The following LRR1 variants were observed in gnomAD, a reference collection of about 807,000 sequenced individuals.
LRR1 encodes the protein leucine rich repeat protein 1.
In LRR1, 29 loss-of-function variants were observed where a neutral mutation model predicts 31.6. That is an observed-to-expected ratio of 0.92 (90% CI 0.68 to 1.25). LRR1 has a LOEUF of 1.25. LRR1 is among the 50% of genes most tolerant of loss of function. LRR1 has a pLI of 0.00. For synonymous variants in LRR1, 179 were observed against 181.4 expected (o/e 0.99, Z 0.10); for missense variants, 485 against 487.2 (o/e 1.00, Z 0.04).
chr14:49,600,345 T>C (rs1413119379), intron 1 of LRR1: 2 of 1,546,140 alleles, frequency 1.3e-6, no homozygotes. Flanking sequence ...ACCCTTTTTA[T>C]TAATAGGAGC....
chr14:49,604,304 CAAACA>C (rs909274950), intron 2 of LRR1, among the ~76,000 whole-genome samples: 50 of 152,020 alleles, frequency 3.3e-4, no homozygotes, highest in South Asian at 1.2e-3. Context: ...GACCCTGTCT[CAAACA>C]AAACAAAACA....
rs553254610 is a variant in LRR1, at chr14:49,612,562, A to G, written c.1005-1694A>G. The G allele has an allele frequency of 2.0e-5, 24 of 1,198,242 alleles. 1 individual carries two copies. The South Asian group carries it at 3.6e-4, about 18-fold the overall frequency. 74.2% of individuals were successfully genotyped at this position (1,198,242 alleles called of 1,614,324 possible). A position where few individuals can be genotyped will look rare whatever the true frequency, so the allele number is the denominator to read the frequency against. On this transcript the variant is annotated intron_variant, in intron 3 of 3. Transcript: ENST00000298288. ...AAATGGTTACTTAAGCAACAGATTA[A>G]TAAGTCTTTTTATGAAAAATTTAAA...
chr14:49,603,710 A>ATTTTTTTTT lies in LRR1; in HGVS notation c.282+1243_282+1244insTTTTTTTTT, dbSNP rs1566493069. On this transcript the variant is annotated intron_variant, in intron 2 of 3. Coordinates refer to ENST00000298288, the MANE Select transcript of LRR1 (RefSeq NM_152329.4). ...TTTTTTTTTTTTTTTTTTTTTTTTA[A>ATTTTTTTTT]TGAGACAGAGTCTCTCCCTGTCACC... 6.1e-3 allele frequency: 808 copies of ATTTTTTTTT among 132,704 alleles called. 229 individuals carry two copies. The highest frequency in any genetic ancestry group is 0.021 in the African/African-American group (272 of 13,070). 8.2% of individuals were successfully genotyped at this position (132,704 alleles called of 1,614,324 possible).
chr14:49,601,427 A>T, intron 1 of LRR1: 1 of 515,886 alleles, frequency 1.9e-6, no homozygotes, highest in Non-Finnish European at 3.5e-6. Context: ...GTTGAAATCT[A>T]AAGCAGATGC....
rs1173506631 is a variant in LRR1, at chr14:49,614,306, A to G, written c.1055A>G (p.Asp352Gly). The change falls in exon 4 of 4, where the codon GAT becomes GGT. Residue 352 changes from aspartate (D) to glycine (G), a missense_variant. Transcript: ENST00000298288. ...IIPFHLCQDL[D>G]TAKICVCGRF... ...CCATTCCATCTCTGCCAAGATTTGGATACCGCAAAAATTTGTGTTTGTGGA... is the reference window on the plus strand; with the variant it reads ...CCATTCCATCTCTGCCAAGATTTGGGTACCGCAAAAATTTGTGTTTGTGGA... 4.3e-6 allele frequency: 7 copies of G among 1,613,668 alleles called. No homozygotes were observed. The highest frequency in any genetic ancestry group is 5.9e-6 in the Non-Finnish European group (7 of 1,179,960).
intron 2 of LRR1, 110 bp from the exon 3 acceptor site, chr14:49,607,290 A>G (rs1394915822): frequency 1.7e-6 from 2 of 1,173,680 alleles, no homozygotes; most frequent in East Asian, 2.5e-5. Context: ...ATTTCAGTAA[A>G]TCATTGTATC....
chr14:49,609,196 C>T (rs1266527524), intron 3 of LRR1, among the ~76,000 whole-genome samples: 28 of 144,004 alleles, frequency 1.9e-4, no homozygotes, highest in African/African-American at 7.2e-4. Context: ...GAATTACAGG[C>T]TTGAGCCACC....
intron 1 of LRR1, chr14:49,601,004 C>G: frequency 1.9e-6 from 3 of 1,609,070 alleles, no homozygotes; most frequent in Admixed American, 1.7e-5. Context: ...TCCCTTTTCT[C>G]CAGTTAATTG....
chr14:49,607,736 C>G lies in LRR1; in HGVS notation c.619C>G (p.Leu207Val). 6.2e-7 allele frequency: 1 copy of G among 1,612,608 alleles called. No individual in the cohort carries two copies. The highest frequency in any genetic ancestry group is 8.5e-7 in the Non-Finnish European group (1 of 1,179,002). Residue 207 changes from leucine to valine, a missense_variant, in exon 3 of 4, where the codon CTG becomes GTG. Around this residue, in one of 3 missense-constraint regions of LRR1, gnomAD observed 260 missense variants for 249.6 expected, o/e 1.04. Transcript: ENST00000298288. ...GDLIHLQELNLNDNHLESFSV... is the reference protein window; with the variant it reads ...GDLIHLQELNVNDNHLESFSV... ...CCTCATACACCTTCAAGAACTTAAC[C>G]TGAATGACAATCACTTGGAGTCATT...
intron 1 of LRR1, chr14:49,601,627 G>A: frequency 7.8e-7 from 1 of 1,289,528 alleles, no homozygotes; most frequent in Non-Finnish European, 1.0e-6. Context: ...CCCACCCCAG[G>A]CTAATGGACT....
At chr14:49,601,540 A>G in intron 1 of LRR1, 2 of 1,042,794 alleles carry the variant, frequency 1.9e-6, no homozygotes, top group Non-Finnish European at 2.6e-6. Context: ...TCATCGTTCT[A>G]GCACTCAGGA....
intron 1 of LRR1, chr14:49,600,461 A>T: frequency 6.3e-7 from 1 of 1,592,264 alleles, no homozygotes; most frequent in South Asian, 1.1e-5. Flanking sequence ...AAGAGATAGG[A>T]GCATGCTGCT....
rs76888005 is a variant in LRR1 at position 49,614,525 on chromosome 14, T to C, written c.*29T>C. 3,236 of 1,612,602 alleles carry C rather than the reference T, an allele frequency of 2.0e-3. 70 individuals are homozygous for C. In the African/African-American group the frequency reaches 0.038, roughly 19 times the overall value. ...GTGAGACCAGAAAAAGAAATTTCAA[T>C]AACAGATCAGTTTGGGGTGCATGTA... is the stretch of plus-strand genomic sequence containing the variant. On this transcript the variant is annotated 3_prime_UTR_variant, in exon 4 of 4. Transcript: ENST00000298288.
chr14:49,605,820 C>A, intron 2 of LRR1, among the ~76,000 whole-genome samples: 1 of 152,112 alleles, frequency 6.6e-6, no homozygotes, highest in East Asian at 1.9e-4. Context: ...ACCTAGTTGA[C>A]CCAGGTCTTC....
In LRR1 at chr14:49,614,559, C is replaced by T. The variant is rs761058285; in HGVS notation, c.*63C>T. 5.7e-5 allele frequency: 92 copies of T among 1,602,340 alleles called. No individual in the cohort carries two copies. Among genetic ancestry groups the T allele is most frequent in the Middle Eastern group, 5.0e-4 (3 of 6,060 alleles). On this transcript the variant is annotated 3_prime_UTR_variant, in exon 4 of 4. Transcript: ENST00000298288. ...AGTTTGGGGTGCATGTATGATTTTG[C>T]AGCGTCAAATTGGAGTAAGGGAAGA...
At chr14:49,601,630 A>G in intron 1 of LRR1, 1 of 1,289,616 alleles carries the variant, frequency 7.8e-7, no homozygotes, top group Non-Finnish European at 1.0e-6. Flanking sequence ...ACCCCAGGCT[A>G]ATGGACTGAA....
chr14:49,608,228 C>A, intron 3 of LRR1, 107 bp downstream of exon 3: 12 of 1,156,658 alleles, frequency 1.0e-5, no homozygotes, highest in African/African-American at 1.5e-5. Context: ...TATGCACAGT[C>A]TGACCCTTTG....
At chr14:49,612,471 G>C in intron 3 of LRR1, 3 of 1,247,044 alleles carry the variant, frequency 2.4e-6, no homozygotes, top group Non-Finnish European at 3.1e-6. Context: ...CCTCAATCTA[G>C]AACCATCTAT....
intron 2 of LRR1, among the ~76,000 whole-genome samples, chr14:49,605,613 A>G (rs1365131118): frequency 2.6e-5 from 4 of 152,186 alleles, no homozygotes; most frequent in Admixed American, 6.6e-5. Context: ...CTTGGTATCT[A>G]TGATAGGGCA....
Sources: allele counts gnomAD v4.1 joint callset (sites outside exome capture counted in the v4.1 genomes callset), GRCh38; gene constraint gnomAD v4.1.1; regional missense constraint gnomAD v4.1.1; transcripts MANE v1.5; gene names NCBI Gene and HGNC (gene_info 2026-07-23, HGNC 2026-07-21).